The following ATP1A3 variants were observed in gnomAD, a reference collection of about 807,000 sequenced individuals.
ATP1A3 encodes ATPase Na+/K+ transporting subunit alpha 3.
In ATP1A3, 12 loss-of-function variants were observed where a neutral mutation model predicts 108.8. That is an observed-to-expected ratio of 0.11 (90% CI 0.07 to 0.18). The LOEUF is 0.18. Ranked by LOEUF, ATP1A3 falls within the 10% of genes least tolerant of loss-of-function variation. The probability of loss-of-function intolerance (pLI) is 1.00; values close to 1 mark genes in which losing one functional copy is unlikely to be tolerated. For missense variants in ATP1A3, 498 were observed against 1,387.7 expected, an observed-to-expected ratio of 0.36 and a Z score of 10.19; for synonymous variants, 539 against 564.5, an observed-to-expected ratio of 0.95 and a Z score of 0.64.
At chr19:41,972,185 C>T (rs368369241) in intron 16 of ATP1A3, among the ~76,000 whole-genome samples, 161 of 152,142 alleles carry the variant, frequency 1.1e-3, no homozygotes, top group African/African-American at 3.5e-3. Context: ...CAGAGGCAGA[C>T]GTTGCAGTGA....
At chr19:41,991,162 G>A (rs2075334256) in intron 1 of ATP1A3, among the ~76,000 whole-genome samples, 2 of 152,228 alleles carry the variant, frequency 1.3e-5, no homozygotes, top group Non-Finnish European at 2.9e-5. Context: ...TGCAGGGGCC[G>A]CTGACAGGTC....
Position 41,985,358 on chromosome 19 carries a change from G to A in ATP1A3, c.672C>T (p.Asp224=), listed in dbSNP as rs954153137. 3.8e-5 allele frequency: 61 copies of A among 1,614,054 alleles called. No homozygotes were observed. The highest frequency in any genetic ancestry group is 5.0e-5 in the Non-Finnish European group (59 of 1,180,002). Residue 224 remains aspartate (D), a synonymous_variant, in exon 7 of 23, where the codon GAC becomes GAT. Transcript: ENST00000648268. This position sits in a 1 kb window ranked among gnomAD's most constrained non-coding sequence, Gnocchi z 8.2. ...PQTRSPDCTH[D]NPLETRNITF... ...TGATGTTCCGAGTCTCCAAGGGGTT[G>A]TCGTGAGTGCAGTCGGGAGAGCGAG...
At chr19:41,972,903 A>AAGGG (rs1270867042) in intron 16 of ATP1A3, among the ~76,000 whole-genome samples, 1 of 116,568 alleles carries the variant, frequency 8.6e-6, no homozygotes, top group Non-Finnish European at 1.8e-5. Flanking sequence ...GGGAGGGAGG[A>AAGGG]AGGGAGGGAG....
rs782133320 is a variant in ATP1A3 at position 41,967,806 on chromosome 19, C to T, written c.2820-43G>A. The T allele has an allele frequency of 6.3e-6, 10 of 1,581,984 alleles. No individual in the cohort carries two copies. The South Asian group carries it at 8.9e-5, about 14-fold the overall frequency. ...CAGGGCTGGGCCCAGAGAGCACCCA[C>T]CCTGCACCTGCCACCCCGCAGAGAC... On this transcript the variant is annotated intron_variant, in intron 20 of 22. Coordinates refer to ENST00000648268, the MANE Select transcript of ATP1A3 (RefSeq NM_152296.5). This position sits in a 1 kb window ranked among gnomAD's most constrained non-coding sequence, Gnocchi z 4.2.
chr19:41,970,080 C>T, intron 18 of ATP1A3, 105 bp downstream of exon 18: 2 of 1,593,798 alleles, frequency 1.3e-6, no homozygotes, highest in Non-Finnish European at 1.7e-6. Flanking sequence ...CTGCCCACGT[C>T]TGCTCCCCTG....
chr19:41,969,012 C>A, intron 19 of ATP1A3, 97 bp from the exon 20 acceptor site: 1 of 1,578,706 alleles, frequency 6.3e-7, no homozygotes, highest in South Asian at 1.1e-5. Flanking sequence ...CCGCCCCATC[C>A]TGCATGGGGT....
chr19:41,968,569 A>T lies in ATP1A3; in HGVS notation c.2819+216T>A, dbSNP rs1354658664. On this transcript the variant is annotated intron_variant, in intron 20 of 22. Transcript: ENST00000648268. The surrounding 1 kb of genome is among the most constrained non-coding windows in gnomAD (Gnocchi z 5.0). ...TGCACACCTGTAGTCTCAGCTACTCAGGAGGCTGAGGTGGGTGGGTCACTT... is the reference window on the plus strand; with the variant it reads ...TGCACACCTGTAGTCTCAGCTACTCTGGAGGCTGAGGTGGGTGGGTCACTT... 6.6e-6 allele frequency among the ~76,000 whole-genome samples: 1 copy of T among 152,128 alleles called. No homozygotes were observed. Among genetic ancestry groups the T allele is most frequent in the Non-Finnish European group, 1.5e-5 (1 of 68,006 alleles).
At chr19:41,993,371 G>A (rs1555868027) in intron 1 of ATP1A3, 1 of 1,535,020 alleles carries the variant, frequency 6.5e-7, no homozygotes, top group Admixed American at 2.0e-5. Context: ...CACACCCTCA[G>A]CTGTGCACTC....
At chr19:41,993,995 C>A in intron 1 of ATP1A3, 76 bp downstream of exon 1, 1 of 1,591,410 alleles carries the variant, frequency 6.3e-7, no homozygotes, top group East Asian at 2.3e-5. Flanking sequence ...CCGGTGCCCC[C>A]GCCCCCCGCG....
At position 41,978,593 on chromosome 19, in the gene ATP1A3, G is replaced by T. The variant is rs577533282; in HGVS notation, c.1630+13C>A. On this transcript the variant is annotated intron_variant, in intron 12 of 22. Transcript: ENST00000648268. The surrounding 1 kb of genome is among the most constrained non-coding windows in gnomAD (Gnocchi z 8.3). Reference sequence around the variant, plus strand: ...CCTCCAGGGACCCCAGAGCCCGCCCGGCAGCCTCGCACCAAGCACGCGCTC... The same window carrying T: ...CCTCCAGGGACCCCAGAGCCCGCCCTGCAGCCTCGCACCAAGCACGCGCTC... The T allele has an allele frequency of 1.2e-6, 2 of 1,612,398 alleles. No homozygotes were observed. Among genetic ancestry groups the T allele is most frequent in the South Asian group, 2.2e-5 (2 of 91,040 alleles).
rs184528049 is a variant in ATP1A3 at position 41,991,221 on chromosome 19, G to A, written c.7-2659C>T. Among the ~76,000 whole-genome samples, 81 of 152,362 alleles carry A rather than the reference G, an allele frequency of 5.3e-4. 1 individual carries two copies. In the East Asian group the frequency reaches 0.012, roughly 23 times the overall value. On this transcript the variant is annotated intron_variant, in intron 1 of 22. Coordinates refer to ENST00000648268, the MANE Select transcript of ATP1A3 (RefSeq NM_152296.5). ...GATCGGAGGCTCAGCGCGGCTCAGC[G>A]CTAATCTCCTCGTGACCTTGTAGAG... is the stretch of plus-strand genomic sequence containing the variant.
Position 41,969,934 on chromosome 19 carries a change from A to C in ATP1A3, c.2542+251T>G, listed in dbSNP as rs572537976. Reference sequence around the variant, plus strand: ...CCTGGGCCTGGAACCACTGCCATGAAGTCTCTGCTTGCTGGGACAGCCCCC... The same window carrying C: ...CCTGGGCCTGGAACCACTGCCATGACGTCTCTGCTTGCTGGGACAGCCCCC... On this transcript the variant is annotated intron_variant, in intron 18 of 22. Coordinates refer to ENST00000648268, the MANE Select transcript of ATP1A3 (RefSeq NM_152296.5). 1.8e-3 allele frequency among the ~76,000 whole-genome samples: 273 copies of C among 152,308 alleles called. 4 individuals carry two copies. The highest frequency in any genetic ancestry group is 6.2e-3 in the African/African-American group (259 of 41,576).
rs539288330 is a variant in ATP1A3 at position 41,981,245 on chromosome 19, C to A, written c.1437+257G>T. 2.6e-5 allele frequency among the ~76,000 whole-genome samples: 4 copies of A among 151,972 alleles called. No homozygotes were observed. Among genetic ancestry groups the A allele is most frequent in the African/African-American group, 9.7e-5 (4 of 41,364 alleles). On this transcript the variant is annotated intron_variant, in intron 11 of 22. Coordinates refer to ENST00000648268, the MANE Select transcript of ATP1A3 (RefSeq NM_152296.5). This position sits in a 1 kb window ranked among gnomAD's most constrained non-coding sequence, Gnocchi z 5.0. ...AACTCCTGGCCTCAAGTGATCCCCCCACCTCAGCCTCCCAAAGTTCTGGTG... is the reference window on the plus strand; with the variant it reads ...AACTCCTGGCCTCAAGTGATCCCCCAACCTCAGCCTCCCAAAGTTCTGGTG...
chr19:41,970,627 T>TC (rs1491542928), intron 16 of ATP1A3, 85 bp from the exon 17 acceptor site: 2 of 141,106 alleles, frequency 1.4e-5, no homozygotes, highest in East Asian at 4.4e-4. Context: ...TCCAACGTCC[T>TC]TTTTTTTTTT....
rs541121307 is a variant in ATP1A3, at chr19:41,988,515, C to T, written c.54G>A (p.Glu18=). 6.8e-6 allele frequency: 11 copies of T among 1,614,192 alleles called. No homozygotes were observed. In the South Asian group the frequency reaches 1.2e-4, roughly 18 times the overall value. The change falls in exon 2 of 23, where the codon GAG becomes GAA. Residue 18 remains glutamate (E), a synonymous_variant. Transcript: ENST00000648268. This position sits in a 1 kb window ranked among gnomAD's most constrained non-coding sequence, Gnocchi z 5.3. The part of the protein sequence containing the change: ...KDSPKKNKGK[E]RRDLDDLKKE... ...TCTTGAGGTCATCCAGGTCCCGGCG[C>T]TCCTTGCCCTTGTTCTTCTTGGGTG...
At chr19:41,989,566 G>A (rs1296968024) in intron 1 of ATP1A3, among the ~76,000 whole-genome samples, 13 of 151,914 alleles carry the variant, frequency 8.6e-5, no homozygotes, top group South Asian at 2.1e-4. Context: ...TGATCCGCCC[G>A]TCTCGGCCTC....
chr19:41,989,669 C>G (rs1219477967), intron 1 of ATP1A3, among the ~76,000 whole-genome samples: 5 of 152,168 alleles, frequency 3.3e-5, no homozygotes, highest in African/African-American at 1.2e-4. Flanking sequence ...TCTTTCTCCT[C>G]TGTCTGTCTC....
At chr19:41,977,660 C>T (rs1555861833) in intron 14 of ATP1A3, among the ~76,000 whole-genome samples, 2 of 152,160 alleles carry the variant, frequency 1.3e-5, no homozygotes, top group Non-Finnish European at 2.9e-5. Context: ...GGTTGCCCCA[C>T]TGCACTCCAG....
intron 4 of ATP1A3, chr19:41,986,433 A>G: frequency 2.0e-6 from 1 of 512,616 alleles, no homozygotes; most frequent in Non-Finnish European, 3.5e-6. Context: ...GTTGTGTTTG[A>G]ATCTAAGGGT....
Sources: allele counts gnomAD v4.1 joint callset (sites outside exome capture counted in the v4.1 genomes callset), GRCh38; gene constraint gnomAD v4.1.1; non-coding constraint Gnocchi (gnomAD v3.1); transcripts MANE v1.5; gene names NCBI Gene and HGNC (gene_info 2026-07-23, HGNC 2026-07-21).